The following STK26 variants were observed in gnomAD, a reference collection of about 807,000 sequenced individuals.
STK26 encodes serine/threonine kinase 26.
STK26 carries 14 observed loss-of-function variants against 34.7 expected under a neutral mutation model. That is an observed-to-expected ratio of 0.40 (90% CI 0.27 to 0.63). The LOEUF (loss-of-function observed/expected upper bound fraction) is 0.63, where lower values mean the gene tolerates loss of function less well. Ranked by LOEUF, STK26 falls within the 30% of genes least tolerant of loss-of-function variation. STK26 has a pLI of 0.38. For synonymous variants in STK26, 100 were observed against 109.8 expected, an observed-to-expected ratio of 0.91 and a Z score of 0.56; for missense variants, 226 against 309.1, an observed-to-expected ratio of 0.73 and a Z score of 2.02.
chrX:132,023,607 C>T lies in STK26; in HGVS notation c.-11C>T. 8.5e-7 allele frequency: 1 copy of T among 1,172,022 alleles called. No homozygotes were observed. The highest frequency in any genetic ancestry group is 2.5e-5 in the Admixed American group (1 of 39,626). On this transcript the variant is annotated 5_prime_UTR_variant, in exon 2 of 12. Transcript: ENST00000394334. ...CCGCCGCAGAAGCGGAGCGAGGCAG[C>T]ATTCGCCTCCATGGCCCACTCGCCG...
chrX:132,056,617 A>G (rs1319818784), intron 3 of STK26, among the ~76,000 whole-genome samples: 1 of 111,252 alleles, frequency 9.0e-6, no homozygotes, highest in African/African-American at 3.3e-5. Flanking sequence ...AGGTGGCACT[A>G]GTGTCTAATG....
chrX:132,029,613 G>C (rs912683034), intron 2 of STK26, among the ~76,000 whole-genome samples: 1 of 110,627 alleles, frequency 9.0e-6, no homozygotes, highest in Non-Finnish European at 1.9e-5. Flanking sequence ...TCTGTTATAT[G>C]GCTCCTCTCT....
intron 6 of STK26, 68 bp from the exon 7 acceptor site, chrX:132,069,410 C>CATACATATATATAT (rs1927327411): frequency 1.2e-5 from 1 of 81,791 alleles, no homozygotes; most frequent in African/African-American, 6.6e-5. Context: ...CATACATACA[C>CATACATATATATAT]ATATATATAT....
At chrX:132,041,866 T>C (rs1926280035) in intron 2 of STK26, among the ~76,000 whole-genome samples, 1 of 111,776 alleles carries the variant, frequency 8.9e-6, no homozygotes, top group African/African-American at 3.2e-5. Flanking sequence ...GGACTATAAA[T>C]ATCAACTAAT....
intron 4 of STK26, among the ~76,000 whole-genome samples, chrX:132,064,132 G>C (rs1405442190): frequency 2.7e-5 from 3 of 111,569 alleles, no homozygotes; most frequent in African/African-American, 6.5e-5. Context: ...CCTTGATCTT[G>C]GACTTCTTTC....
intron 2 of STK26, among the ~76,000 whole-genome samples, chrX:132,031,197 C>T (rs1925825522): frequency 9.0e-6 from 1 of 111,716 alleles, no homozygotes; most frequent in South Asian, 3.7e-4. Flanking sequence ...CTTGGTCTCC[C>T]AAAGTGCTGG....
chrX:132,057,423 C>G (rs924807410), intron 3 of STK26, among the ~76,000 whole-genome samples: 2 of 111,500 alleles, frequency 1.8e-5, no homozygotes, highest in Admixed American at 1.9e-4. Flanking sequence ...CTCAGGTATG[C>G]TGATCTCCTC....
chrX:132,055,065 C>A lies in STK26; in HGVS notation c.273+204C>A, dbSNP rs149673476. ...AATGCATCCCAGTACTCAGCTGCAC[C>A]CCTTTTCCACACCTGAACTTTTGGT... On this transcript the variant is annotated intron_variant, in intron 3 of 11. Coordinates refer to ENST00000394334, the MANE Select transcript of STK26 (RefSeq NM_016542.4). Among the ~76,000 whole-genome samples the A allele has an allele frequency of 8.0e-5, 9 of 111,903 alleles. No homozygotes were observed. In the East Asian group the frequency reaches 2.5e-3, roughly 32 times the overall value.
chrX:132,054,867 G>A lies in STK26; in HGVS notation c.273+6G>A, dbSNP rs368439571. The A allele has an allele frequency of 2.9e-4, 336 of 1,155,912 alleles. 1 individual carries two copies. In the African/African-American group the frequency reaches 5.1e-3, roughly 18 times the overall value. Reference sequence around the variant, plus strand: ...ACTATGGGTCATATTTAAAGGTAATGTGTGTGCTGTATTATTTAAGTCATA... The same window carrying A: ...ACTATGGGTCATATTTAAAGGTAATATGTGTGCTGTATTATTTAAGTCATA... On this transcript the variant is annotated splice_donor_region_variant and intron_variant, in intron 3 of 11. Transcript: ENST00000394334.
At chrX:132,035,832 TACACACACACACACACACAC>T (rs61494612) in intron 2 of STK26, among the ~76,000 whole-genome samples, 8 of 78,239 alleles carry the variant, frequency 1.0e-4, no homozygotes, top group Admixed American at 3.0e-4. Flanking sequence ...TCTGGCTGCA[TACACACACACACACACACAC>T]ACACACACAC....
In STK26 at chrX:132,074,203, C is replaced by A; in HGVS notation, c.*44C>A. On this transcript the variant is annotated 3_prime_UTR_variant, in exon 12 of 12. Coordinates refer to ENST00000394334, the MANE Select transcript of STK26 (RefSeq NM_016542.4). The stretch of plus-strand genomic sequence containing the variant: ...CTGTTTCATATGGACCCAGAGAGCC[C>A]CACCAAACCTACGTCAAGATTAACA... The A allele has an allele frequency of 8.6e-7, 1 of 1,159,146 alleles. No homozygotes were observed. Among genetic ancestry groups the A allele is most frequent in the Non-Finnish European group, 1.2e-6 (1 of 857,553 alleles).
At chrX:132,047,406 T>C (rs889124488) in intron 2 of STK26, among the ~76,000 whole-genome samples, 2 of 112,181 alleles carry the variant, frequency 1.8e-5, no homozygotes, top group Non-Finnish European at 3.8e-5. Flanking sequence ...TAACAATTGA[T>C]GCTAAATGTT....
At chrX:132,037,988 G>GA (rs1385485243) in intron 2 of STK26, among the ~76,000 whole-genome samples, 2 of 108,743 alleles carry the variant, frequency 1.8e-5, no homozygotes, top group East Asian at 2.9e-4. Flanking sequence ...AATAGCAAGT[G>GA]AAAAAAAACT....
chrX:132,050,545 C>T (rs1183447679), intron 2 of STK26, among the ~76,000 whole-genome samples: 1 of 111,583 alleles, frequency 9.0e-6, no homozygotes, highest in Non-Finnish European at 1.9e-5. Context: ...ATGGGTTTCA[C>T]ATTCTGGAAA....
intron 2 of STK26, among the ~76,000 whole-genome samples, chrX:132,033,967 C>T (rs1925934351): frequency 9.1e-6 from 1 of 109,560 alleles, no homozygotes; most frequent in Non-Finnish European, 1.9e-5. Context: ...TACCTTTCTG[C>T]TAGGCATTCG....
chrX:132,058,938 T>G (rs1237949480), intron 3 of STK26, among the ~76,000 whole-genome samples: 2 of 110,960 alleles, frequency 1.8e-5, no homozygotes, highest in African/African-American at 6.5e-5. Flanking sequence ...TTGAGACATA[T>G]GTATATACAC....
chrX:132,060,574 GT>G lies in STK26; in HGVS notation c.274-2856del, dbSNP rs1174009652. On this transcript the variant is annotated intron_variant, in intron 3 of 11. Transcript: ENST00000394334. ...TTCACATTGATTTTGTGTTTTTTTT[GT>G]TTGTTTGTTTTTTGGGTGGTTTTTT... 1.5e-4 allele frequency among the ~76,000 whole-genome samples: 16 copies of G among 107,254 alleles called. No homozygotes were observed. In the Admixed American group the frequency reaches 1.6e-3, roughly 11 times the overall value. The allele number at this position is 107,254 out of a possible 115,157, so 93.1% of individuals were successfully genotyped here.
intron 2 of STK26, among the ~76,000 whole-genome samples, chrX:132,045,815 A>G (rs1164649966): frequency 8.9e-6 from 1 of 112,208 alleles, no homozygotes; most frequent in East Asian, 2.8e-4. Context: ...GAGTTAGTAA[A>G]AAACAAAAAA....
intron 8 of STK26, among the ~76,000 whole-genome samples, chrX:132,072,054 T>C (rs1927431500): frequency 9.0e-6 from 1 of 111,600 alleles, no homozygotes; most frequent in African/African-American, 3.3e-5. Flanking sequence ...GTAGGAGGTC[T>C]CAATGAAGCA....
Sources: gnomAD v4.1 joint callset for allele counts (sites outside exome capture counted in the v4.1 genomes callset) on GRCh38, gnomAD v4.1.1 for gene constraint, MANE v1.5 for transcripts, NCBI Gene and HGNC (gene_info 2026-07-23, HGNC 2026-07-21) for gene names.